Variants in ITIH2 observed in about 807,000 individuals in gnomAD.
The protein encoded by ITIH2 is inter-alpha-trypsin inhibitor heavy chain 2, also known as inter-alpha-trypsin inhibitor heavy chain H2.
ITIH2 carries 103 observed loss-of-function variants against 104.4 expected under a neutral mutation model. That is an observed-to-expected ratio of 0.99 (90% CI 0.84 to 1.16). The LOEUF is 1.16. Ranked by LOEUF, ITIH2 falls within the 50% of genes most tolerant of loss-of-function variation. The pLI, the probability that ITIH2 is intolerant of heterozygous loss-of-function variation, is 0.00. For missense variants in ITIH2, 1,108 were observed against 1,162.4 expected (o/e 0.95, Z 0.68); for synonymous variants, 436 against 435.4 (o/e 1.00, Z -0.02).
intron 6 of ITIH2, among the ~76,000 whole-genome samples, chr10:7,719,631 C>T (rs936923789): frequency 3.3e-5 from 5 of 151,554 alleles, no homozygotes; most frequent in Admixed American, 3.3e-4. Context: ...CATGGTGGTG[C>T]TCCCCTGTAG....
intron 16 of ITIH2, among the ~76,000 whole-genome samples, chr10:7,739,161 A>G (rs1339487392): frequency 6.6e-6 from 1 of 152,142 alleles, no homozygotes; most frequent in Non-Finnish European, 1.5e-5. Flanking sequence ...CTTCTCCCAC[A>G]GCATGTGAGA....
In ITIH2 at chr10:7,744,945, A is replaced by G. The variant is rs751758607; in HGVS notation, c.2563A>G (p.Lys855Glu). ...YIPPTNKFSPKAHGLIGQFMQ... is the reference protein window; with the variant it reads ...YIPPTNKFSPEAHGLIGQFMQ... ...ACCCCCTACAAACAAGTTCTCACCT[A>G]AAGCCCACGGACTAATAGGTAAAGT... Residue 855 changes from lysine to glutamate, a missense_variant, in exon 19 of 21, where the codon AAA becomes GAA. By Grantham distance (56) the Lys-to-Glu change is moderately conservative. Coordinates refer to ENST00000358415, the MANE Select transcript of ITIH2 (RefSeq NM_002216.3). The G allele has an allele frequency of 6.2e-7, 1 of 1,614,038 alleles. No homozygotes were observed. The highest frequency in any genetic ancestry group is 8.5e-7 in the Non-Finnish European group (1 of 1,179,902).
At chr10:7,739,224 A>G (rs1835101472) in intron 16 of ITIH2, among the ~76,000 whole-genome samples, 1 of 152,180 alleles carries the variant, frequency 6.6e-6, no homozygotes, top group Non-Finnish European at 1.5e-5. Flanking sequence ...TCCTGTTCCC[A>G]GCTCCTTGCG....
intron 9 of ITIH2, among the ~76,000 whole-genome samples, chr10:7,725,518 A>G (rs1037836551): frequency 3.9e-5 from 6 of 152,218 alleles, no homozygotes; most frequent in African/African-American, 1.4e-4. Flanking sequence ...TTTTGAAGGT[A>G]GAGTAAACAG....
At chr10:7,735,605 T>C (rs1484878675) in intron 15 of ITIH2, among the ~76,000 whole-genome samples, 1 of 152,090 alleles carries the variant, frequency 6.6e-6, no homozygotes, top group Non-Finnish European at 1.5e-5. Context: ...TAGTATTTTA[T>C]AAATATTGAC....
rs1834755225 is a variant in ITIH2 at position 7,707,194 on chromosome 10, T to C, written c.160-7T>C. 1 of 1,600,052 alleles carries C rather than the reference T, an allele frequency of 6.2e-7. No homozygotes were observed. Among genetic ancestry groups the C allele is most frequent in the Admixed American group, 1.7e-5 (1 of 59,740 alleles). ...TTGAAGAATGATTGTCTAACTTCCT[T>C]TCACAGAGAAGCCTTCCAGGAGAAT... is the stretch of plus-strand genomic sequence containing the variant. On this transcript the variant is annotated splice_region_variant and splice_polypyrimidine_tract_variant and intron_variant, in intron 2 of 20. Transcript: ENST00000358415.
At chr10:7,724,702 T>C (rs886485767) in intron 9 of ITIH2, among the ~76,000 whole-genome samples, 4 of 151,974 alleles carry the variant, frequency 2.6e-5, no homozygotes, top group African/African-American at 9.7e-5. Flanking sequence ...GGACTATTGA[T>C]ATTTTGGATG....
Position 7,738,667 on chromosome 10 carries a change from T to C in ITIH2, c.2004T>C (p.Ser668=). The C allele has an allele frequency of 6.2e-7, 1 of 1,613,972 alleles. No homozygotes were observed. The highest frequency in any genetic ancestry group is 1.1e-5 in the South Asian group (1 of 91,084). ...GSKVVPDSTP[S]WANPSPTPVI... is the part of the protein sequence containing the mutation. ...AAGTGGTTCCAGATTCCACCCCGTC[T>C]TGGGCCAATCCTTCACCAACGCCCG... is the stretch of plus-strand genomic sequence containing the variant. Residue 668 remains serine, a synonymous_variant, in exon 16 of 21, where the codon TCT becomes TCC. Transcript: ENST00000358415.
At chr10:7,746,305 G>A (rs1466545428) in intron 19 of ITIH2, among the ~76,000 whole-genome samples, 1 of 151,694 alleles carries the variant, frequency 6.6e-6, no homozygotes, top group East Asian at 2.0e-4. Flanking sequence ...AGCCCAGGAG[G>A]TGGAGGTTGC....
intron 2 of ITIH2, among the ~76,000 whole-genome samples, chr10:7,705,773 T>G (rs1384666783): frequency 6.6e-6 from 1 of 151,812 alleles, no homozygotes; most frequent in East Asian, 1.9e-4. Context: ...AATTATTTCC[T>G]GCCTTGCCGG....
At chr10:7,738,431 G>A (rs1835092475) in intron 15 of ITIH2, among the ~76,000 whole-genome samples, 190 bp from the exon 16 acceptor site, 1 of 150,178 alleles carries the variant, frequency 6.7e-6, no homozygotes, top group South Asian at 2.1e-4. Context: ...ACTCCAGAGA[G>A]AACTGTATCA....
chr10:7,721,741 T>C lies in ITIH2; in HGVS notation c.831T>C (p.Tyr277=), dbSNP rs780414268. The C allele has an allele frequency of 1.2e-6, 2 of 1,613,964 alleles. No individual in the cohort carries two copies. The highest frequency in any genetic ancestry group is 1.1e-5 in the South Asian group (1 of 91,076). The change falls in exon 8 of 21, where the codon TAT becomes TAC. Residue 277 remains tyrosine (Y), a synonymous_variant. Transcript: ENST00000358415. The stretch of plus-strand genomic sequence containing the variant: ...TAGATGGGGAACTGGTGGTGCTGTA[T>C]GACGTGAAAAGAGAAGAGAAGGCTG... The part of the protein sequence containing the change: ...TAVDGELVVL[Y]DVKREEKAGE...
chr10:7,737,170 G>A (rs1835063002), intron 15 of ITIH2, among the ~76,000 whole-genome samples: 1 of 151,170 alleles, frequency 6.6e-6, no homozygotes, highest in South Asian at 2.1e-4. Flanking sequence ...TGTAAACTAG[G>A]AGAAAAGGCT....
At chr10:7,732,144 C>G in intron 13 of ITIH2, 148 bp downstream of exon 13, 1 of 866,478 alleles carries the variant, frequency 1.2e-6, no homozygotes. Context: ...CTGCCATCTT[C>G]CCAGCTATTC....
intron 2 of ITIH2, among the ~76,000 whole-genome samples, chr10:7,706,883 G>C (rs144537324): frequency 1.8e-3 from 268 of 152,154 alleles, no homozygotes; most frequent in African/African-American, 6.3e-3. Context: ...AAAAAATAGA[G>C]CAAATAGCAT....
At chr10:7,737,328 T>G (rs1835064768) in intron 15 of ITIH2, among the ~76,000 whole-genome samples, 1 of 149,688 alleles carries the variant, frequency 6.7e-6, no homozygotes, top group African/African-American at 2.5e-5. Flanking sequence ...ATACGTCTCT[T>G]TCTTTTCTCT....
At chr10:7,722,108 C>T (rs967666193) in intron 8 of ITIH2, among the ~76,000 whole-genome samples, 5 of 152,108 alleles carry the variant, frequency 3.3e-5, no homozygotes, top group Admixed American at 6.5e-5. Context: ...ACAGAGATTA[C>T]GGGGTGAGGA....
At position 7,743,334 on chromosome 10, in the gene ITIH2, T is replaced by G. The variant is rs1243135129; in HGVS notation, c.2209+75T>G. On this transcript the variant is annotated intron_variant, in intron 17 of 20. Coordinates refer to ENST00000358415, the MANE Select transcript of ITIH2 (RefSeq NM_002216.3). ...TTCCTGTCACTGCCTGGGATTTCTTTCTTTCTCAGCTTAATAGAAGTTCTA... is the reference window on the plus strand; with the variant it reads ...TTCCTGTCACTGCCTGGGATTTCTTGCTTTCTCAGCTTAATAGAAGTTCTA... The G allele has an allele frequency of 3.9e-6, 3 of 774,466 alleles. No individual in the cohort carries two copies. In the Admixed American group the frequency reaches 7.3e-5, roughly 19 times the overall value. The allele number at this position is 774,466 out of a possible 1,614,324, so 48.0% of individuals were successfully genotyped here.
At chr10:7,716,852 G>A (rs113108817) in intron 5 of ITIH2, among the ~76,000 whole-genome samples, 2,137 of 151,988 alleles carry the variant, frequency 0.014, 41 homozygotes, top group African/African-American at 0.044. Flanking sequence ...ATGCAGTATG[G>A]GAAGAGTGTT....
Sources: allele counts gnomAD v4.1 joint callset (sites outside exome capture counted in the v4.1 genomes callset), GRCh38; gene constraint gnomAD v4.1.1; transcripts MANE v1.5; gene names NCBI Gene and HGNC (gene_info 2026-07-23, HGNC 2026-07-21).